PCDHGA8: variants seen among roughly 807,000 people sequenced by gnomAD.
The protein encoded by PCDHGA8 is protocadherin gamma subfamily A, 8, also known as protocadherin gamma-A8.
PCDHGA8 carries 45 observed loss-of-function variants against 59.2 expected under a neutral mutation model. The observed-to-expected ratio is 0.76, with a 90% confidence interval of 0.60 to 0.98. The LOEUF (loss-of-function observed/expected upper bound fraction) is 0.98, where lower values mean the gene tolerates loss of function less well. Among genes scored for constraint, PCDHGA8 ranks in the 50% least tolerant of loss-of-function variants. The pLI is 0.00. For synonymous variants in PCDHGA8, 531 were observed against 519.0 expected (o/e 1.02, Z -0.32); for missense variants, 1,257 against 1,196.2 (o/e 1.05, Z -0.75).
intron 1 of PCDHGA8, chr5:141,395,958 A>G (rs1224647324): frequency 6.6e-6 from 1 of 152,208 alleles, no homozygotes; most frequent in Admixed American, 6.5e-5. Context: ...ACAAAAAACA[A>G]AAGCAAAAAC....
At chr5:141,475,903 G>A in intron 1 of PCDHGA8, 1 of 576,064 alleles carries the variant, frequency 1.7e-6, no homozygotes. Context: ...TGCCGCTGTC[G>A]GCCAATGAAG....
At chr5:141,498,881 T>C (rs9686648) in intron 2 of PCDHGA8, among the ~76,000 whole-genome samples, 77,838 of 149,554 alleles carry the variant, frequency 0.52, 20,828 homozygotes, top group African/African-American at 0.65. Flanking sequence ...TGCAGTGAGC[T>C]GAGATCACAC....
At position 141,512,045 on chromosome 5, in the gene PCDHGA8, C is replaced by T. The variant is rs568357347; in HGVS notation, c.*872C>T. On this transcript the variant is annotated 3_prime_UTR_variant, in exon 4 of 4. Transcript: ENST00000398604. ...GGCCTTGGAGGAGGCTCTGTATGTC[C>T]TCAGGGGACTGACAACATCCTCCAG... The T allele has an allele frequency of 1.5e-3, 224 of 152,846 alleles. 2 individuals are homozygous for T. The highest frequency in any genetic ancestry group is 4.6e-4 in the Non-Finnish European group (31 of 68,130). The allele number at this position is 152,846 out of a possible 1,614,324, so 9.5% of individuals were successfully genotyped here. A position where few individuals can be genotyped will look rare whatever the true frequency, so the allele number is the denominator to read the frequency against.
intron 1 of PCDHGA8, among the ~76,000 whole-genome samples, chr5:141,445,007 G>T (rs771023003): frequency 1.3e-5 from 2 of 151,994 alleles, no homozygotes; most frequent in African/African-American, 4.8e-5. Flanking sequence ...ATTTAATTAG[G>T]TCTTTAATTT....
Position 141,432,044 on chromosome 5 carries a change from A to T in PCDHGA8, c.2424+36807A>T. 6.2e-7 allele frequency: 1 copy of T among 1,613,886 alleles called. No individual in the cohort carries two copies. Among genetic ancestry groups the T allele is most frequent in the Non-Finnish European group, 8.5e-7 (1 of 1,179,922 alleles). ...CACAGTGACCGCCACTGACCGGGGA[A>T]CCCCGCCCCTATCCACGGAAACTCA... On this transcript the variant is annotated intron_variant, in intron 1 of 3. Coordinates refer to ENST00000398604, the MANE Select transcript of PCDHGA8 (RefSeq NM_032088.2). This position sits in a 1 kb window ranked among gnomAD's most constrained non-coding sequence, Gnocchi z 6.0.
At chr5:141,482,611 G>A (rs1016481108) in intron 1 of PCDHGA8, among the ~76,000 whole-genome samples, 3 of 150,398 alleles carry the variant, frequency 2.0e-5, no homozygotes, top group African/African-American at 7.4e-5. Context: ...ACACCTAAAT[G>A]AGCCTGGAGA....
At chr5:141,495,007 G>A in intron 2 of PCDHGA8, 142 bp downstream of exon 2, 4 of 1,522,158 alleles carry the variant, frequency 2.6e-6, no homozygotes, top group Non-Finnish European at 3.5e-6. Context: ...TTGGTGTGCG[G>A]GGGGCTGGCA....
rs771608897 is a variant in PCDHGA8, at chr5:141,490,857, C to T, written c.2425-3950C>T. 58 of 1,613,714 alleles carry T rather than the reference C, an allele frequency of 3.6e-5. 1 individual carries two copies. The highest frequency in any genetic ancestry group is 1.8e-4 in the Admixed American group (11 of 59,992). Reference sequence around the variant, plus strand: ...AGATTGTGGTGGGGGTTCGAGACTCCGGCTCTCCCCCATTGCATGCCAACA... The same window carrying T: ...AGATTGTGGTGGGGGTTCGAGACTCTGGCTCTCCCCCATTGCATGCCAACA... On this transcript the variant is annotated intron_variant, in intron 1 of 3. Transcript: ENST00000398604. The surrounding 1 kb of genome is among the most constrained non-coding windows in gnomAD (Gnocchi z 5.4).
At position 141,394,852 on chromosome 5, in the gene PCDHGA8, C is replaced by T; in HGVS notation, c.2039C>T (p.Pro680Leu). 6.2e-7 allele frequency: 1 copy of T among 1,613,838 alleles called. No individual in the cohort carries two copies. The highest frequency in any genetic ancestry group is 8.5e-7 in the Non-Finnish European group (1 of 1,179,922). The change falls in exon 1 of 4, where the codon CCT becomes CTT. Residue 680 changes from proline (P) to leucine (L), a missense_variant. By Grantham distance (98) the Pro-to-Leu change is moderately conservative. Transcript: ENST00000398604. ...CTGACCGAGTTGGGCAGTCTGAAGC[C>T]TTCGGTCGACCCGAACGATTCGAGC... ...EVLTELGSLK[P>L]SVDPNDSSLT...
chr5:141,423,923 G>A (rs2096790975), intron 1 of PCDHGA8: 2 of 1,254,626 alleles, frequency 1.6e-6, no homozygotes, highest in African/African-American at 1.6e-5. Flanking sequence ...CAACTATGCT[G>A]GTTTGGTTTG....
chr5:141,395,515 C>T (rs527577408), intron 1 of PCDHGA8: 5 of 407,340 alleles, frequency 1.2e-5, no homozygotes, highest in South Asian at 7.2e-5. Context: ...AGTAGCTACC[C>T]GTCCATACTG....
Position 141,393,825 on chromosome 5 carries a change from G to C in PCDHGA8, c.1012G>C (p.Glu338Gln). The C allele has an allele frequency of 6.2e-7, 1 of 1,613,964 alleles. No individual in the cohort carries two copies. The highest frequency in any genetic ancestry group is 8.5e-7 in the Non-Finnish European group (1 of 1,179,892). Residue 338 changes from glutamate to glutamine, a missense_variant, in exon 1 of 4, where the codon GAA becomes CAA. Transcript: ENST00000398604. ...GAGGACCAAATTGCTCATTTCGGTG[G>C]AAGATGTAAATGACAATAGACCAGA... is the stretch of plus-strand genomic sequence containing the variant. Reference protein sequence around the residue: ...LGRTKLLISVEDVNDNRPEVI... With the variant: ...LGRTKLLISVQDVNDNRPEVI...
At chr5:141,395,315 G>A in intron 1 of PCDHGA8, 78 bp downstream of exon 1, 1 of 1,486,272 alleles carries the variant, frequency 6.7e-7, no homozygotes, top group Middle Eastern at 1.8e-4. Context: ...AAAACATTGT[G>A]AAGATAGTTG....
chr5:141,435,882 C>G (rs780080571), intron 1 of PCDHGA8, among the ~76,000 whole-genome samples: 1 of 152,060 alleles, frequency 6.6e-6, no homozygotes, highest in African/African-American at 2.4e-5. Context: ...AGATTGGAAA[C>G]CCCTTAGAGA....
intron 1 of PCDHGA8, among the ~76,000 whole-genome samples, chr5:141,494,447 G>C (rs1413012155): frequency 6.6e-6 from 1 of 152,118 alleles, no homozygotes. Context: ...GCCACTTTAG[G>C]GGGCTTTGTC....
At position 141,491,514 on chromosome 5, in the gene PCDHGA8, G is replaced by A. The variant is rs753335815; in HGVS notation, c.2425-3293G>A. ...AGGTGAGCTCGGACGGCACGCTCAAGTACATGGAGGTGACGCTGCGGCCCA... is the reference window on the plus strand; with the variant it reads ...AGGTGAGCTCGGACGGCACGCTCAAATACATGGAGGTGACGCTGCGGCCCA... On this transcript the variant is annotated intron_variant, in intron 1 of 3. Coordinates refer to ENST00000398604, the MANE Select transcript of PCDHGA8 (RefSeq NM_032088.2). The surrounding 1 kb of genome is among the most constrained non-coding windows in gnomAD (Gnocchi z 6.9). 2 of 1,613,964 alleles carry A rather than the reference G, an allele frequency of 1.2e-6. No individual in the cohort carries two copies. Among genetic ancestry groups the A allele is most frequent in the East Asian group, 2.2e-5 (1 of 44,892 alleles).
At chr5:141,409,729 G>A (rs781234442) in intron 1 of PCDHGA8, 161 of 1,612,966 alleles carry the variant, frequency 1.0e-4, no homozygotes, top group Non-Finnish European at 1.7e-6. Context: ...CAGTGAGCGC[G>A]CAGAGCGGGG....
intron 1 of PCDHGA8, chr5:141,478,233 T>G: frequency 6.2e-7 from 1 of 1,614,126 alleles, no homozygotes. Context: ...GTGGGGTTTG[T>G]GGTCACAGTG....
intron 1 of PCDHGA8, among the ~76,000 whole-genome samples, chr5:141,465,031 C>T (rs933448980): frequency 1.3e-5 from 2 of 151,958 alleles, no homozygotes; most frequent in Non-Finnish European, 1.5e-5. Context: ...CATGAACCAC[C>T]ACAAATGACC....
Sources: gnomAD v4.1 joint callset for allele counts (sites outside exome capture counted in the v4.1 genomes callset) on GRCh38, gnomAD v4.1.1 for gene constraint, Gnocchi (gnomAD v3.1) non-coding constraint, MANE v1.5 for transcripts, NCBI Gene and HGNC (gene_info 2026-07-23, HGNC 2026-07-21) for gene names.